WDR44: variants seen among roughly 807,000 people sequenced by gnomAD.
WDR44 encodes WD repeat domain 44.
In WDR44, 9 loss-of-function variants were observed where a neutral mutation model predicts 65.7. That is an observed-to-expected ratio of 0.14 (90% confidence interval 0.08 to 0.24). The LOEUF (loss-of-function observed/expected upper bound fraction) is 0.24. Ranked by LOEUF, WDR44 falls within the 10% of genes least tolerant of loss-of-function variation. The pLI is 1.00. For synonymous variants in WDR44, 220 were observed against 235.2 expected (o/e 0.94, Z 0.59); for missense variants, 425 against 670.9 (o/e 0.63, Z 4.05).
At chrX:118,396,825 C>G (rs2056869657) in intron 6 of WDR44, 145 bp from the exon 7 acceptor site, 1 of 541,182 alleles carries the variant, frequency 1.8e-6, no homozygotes, top group Non-Finnish European at 2.7e-6. Context: ...AATTATATCT[C>G]AATAAAAATG....
chrX:118,442,499 T>G lies in WDR44; in HGVS notation c.2269-66T>G, dbSNP rs1004464665. On this transcript the variant is annotated intron_variant, in intron 16 of 19. Coordinates refer to ENST00000254029, the MANE Select transcript of WDR44 (RefSeq NM_019045.5). ...TAGTTTGTATGTGTGTAACACCCTT[T>G]TTGGGTTGTAGCTTAGCTTGTACTA... 6.6e-6 allele frequency: 7 copies of G among 1,053,921 alleles called. No homozygotes were observed. In the African/African-American group the frequency reaches 1.3e-4, roughly 19 times the overall value. 86.9% of individuals were successfully genotyped at this position (1,053,921 alleles called of 1,213,427 possible). A position where few individuals can be genotyped will look rare whatever the true frequency, so the allele number is the denominator to read the frequency against.
chrX:118,346,688 T>G, intron 1 of WDR44, 108 bp downstream of exon 1: 1 of 611,994 alleles, frequency 1.6e-6, no homozygotes. Flanking sequence ...CCACCGCTGT[T>G]CCTCCCCGTC....
At chrX:118,416,333 T>C (rs1471203950) in intron 12 of WDR44, among the ~76,000 whole-genome samples, 1 of 111,769 alleles carries the variant, frequency 8.9e-6, no homozygotes, top group Non-Finnish European at 1.9e-5. Context: ...GCTATGAACT[T>C]TCCTGTTAGC....
intron 4 of WDR44, 27 bp downstream of exon 4, chrX:118,393,298 G>C (rs780565054): frequency 8.6e-7 from 1 of 1,164,646 alleles, no homozygotes; most frequent in Non-Finnish European, 1.1e-6. Context: ...AAATCACTCT[G>C]TTGGTTGGGC....
At chrX:118,426,771 T>TG (rs1399276637) in intron 12 of WDR44, among the ~76,000 whole-genome samples, 2 of 105,896 alleles carry the variant, frequency 1.9e-5, no homozygotes, top group Non-Finnish European at 3.9e-5. Flanking sequence ...CTTTAATAAT[T>TG]TATCATAAAG....
chrX:118,421,442 A>G (rs760682822), intron 12 of WDR44, among the ~76,000 whole-genome samples: 2 of 112,019 alleles, frequency 1.8e-5, no homozygotes, highest in East Asian at 5.6e-4. Context: ...ATTTGGGGAC[A>G]GTTAAAAGAG....
chrX:118,417,293 T>G (rs945532301), intron 12 of WDR44, among the ~76,000 whole-genome samples: 2 of 112,018 alleles, frequency 1.8e-5, no homozygotes, highest in African/African-American at 6.5e-5. Context: ...TGATTTATGC[T>G]TTAAAGAAGT....
chrX:118,438,881 C>T lies in WDR44; in HGVS notation c.1974+2057C>T, dbSNP rs1329914479. On this transcript the variant is annotated intron_variant, in intron 14 of 19. Coordinates refer to ENST00000254029, the MANE Select transcript of WDR44 (RefSeq NM_019045.5). ...TCGGCTCACTGCAACCTCCACCTCC[C>T]GAGTTCAAGCAGTTCTGCCTCAGCC... 4.9e-5 allele frequency among the ~76,000 whole-genome samples: 5 copies of T among 102,404 alleles called. No individual in the cohort carries two copies. In the East Asian group the frequency reaches 9.7e-4, roughly 20 times the overall value. The allele number at this position is 102,404 out of a possible 115,157, so 88.9% of individuals were successfully genotyped here.
rs1569386772 is a variant in WDR44, at chrX:118,441,517, G to A, written c.2124G>A (p.Val708=). The A allele has an allele frequency of 5.0e-6, 6 of 1,210,328 alleles. No individual in the cohort carries two copies. The highest frequency in any genetic ancestry group is 6.7e-6 in the Non-Finnish European group (6 of 894,527). ...TCTGTCAGAATGGCAAATATGCAGT[G>A]ATTGGGACATATGATGGCAGATGTA... ...ANFCQNGKYA[V]IGTYDGRCIF... The change falls in exon 15 of 20, where the codon GTG becomes GTA. Residue 708 remains valine (V), a synonymous_variant. Coordinates refer to ENST00000254029, the MANE Select transcript of WDR44 (RefSeq NM_019045.5).
chrX:118,408,679 G>A lies in WDR44; in HGVS notation c.1534-810G>A, dbSNP rs183864631. ...CTCCCAAAGTGCTGGGATTACAGGC[G>A]CGTGCCACCACGCCCGGCCCATTCC... On this transcript the variant is annotated intron_variant, in intron 10 of 19. Transcript: ENST00000254029. Among the ~76,000 whole-genome samples the A allele has an allele frequency of 2.9e-3, 304 of 103,306 alleles. 1 individual carries two copies. The highest frequency in any genetic ancestry group is 0.012 in the African/African-American group (280 of 23,936). 89.7% of individuals were successfully genotyped at this position (103,306 alleles called of 115,157 possible).
chrX:118,430,925 C>T lies in WDR44; in HGVS notation c.1738-1856C>T, dbSNP rs528051701. On this transcript the variant is annotated intron_variant, in intron 12 of 19. Transcript: ENST00000254029. ...AGTCTGGTAGTAAAATTGAGGGGGG[C>T]GAGGATGGTAGTCATCTAGCATTAG... 2.7e-3 allele frequency among the ~76,000 whole-genome samples: 298 copies of T among 111,583 alleles called. 2 individuals carry two copies. The highest frequency in any genetic ancestry group is 9.4e-3 in the African/African-American group (288 of 30,739).
intron 1 of WDR44, among the ~76,000 whole-genome samples, chrX:118,350,218 A>G (rs1206615500): frequency 8.9e-6 from 1 of 112,100 alleles, no homozygotes. Context: ...ACATCTAGTT[A>G]AACTCCTTCG....
intron 8 of WDR44, among the ~76,000 whole-genome samples, chrX:118,400,820 T>TC (rs2056906278): frequency 1.1e-5 from 1 of 88,920 alleles, no homozygotes; most frequent in African/African-American, 4.2e-5. Flanking sequence ...CCCTCCCCAC[T>TC]CCCCCCACCC....
intron 1 of WDR44, among the ~76,000 whole-genome samples, chrX:118,377,419 A>G (rs146537911): frequency 0.016 from 1,746 of 111,601 alleles, 36 homozygotes; most frequent in African/African-American, 0.054. Context: ...CAAAATCGAT[A>G]TAAATGTCTA....
intron 14 of WDR44, among the ~76,000 whole-genome samples, chrX:118,440,633 CTG>C (rs1206133862): frequency 9.0e-6 from 1 of 111,211 alleles, no homozygotes; most frequent in Non-Finnish European, 1.9e-5. Flanking sequence ...CAAAAAAAGT[CTG>C]TGGTTAAATA....
At chrX:118,443,223 G>A (rs745595560) in intron 17 of WDR44, among the ~76,000 whole-genome samples, 4 of 111,840 alleles carry the variant, frequency 3.6e-5, no homozygotes, top group African/African-American at 1.3e-4. Context: ...TTCTTTTGCC[G>A]TTTTCTTACC....
At chrX:118,400,675 T>G (rs1216404714) in intron 8 of WDR44, among the ~76,000 whole-genome samples, 1 of 110,475 alleles carries the variant, frequency 9.1e-6, no homozygotes, top group Non-Finnish European at 1.9e-5. Flanking sequence ...GTTTTGTTTT[T>G]TTTTTTATTA....
In WDR44 at chrX:118,385,769, C is replaced by G. The variant is rs560959276; in HGVS notation, c.112-1571C>G. 5.4e-5 allele frequency among the ~76,000 whole-genome samples: 6 copies of G among 111,364 alleles called. No homozygotes were observed. In the East Asian group the frequency reaches 1.4e-3, roughly 26 times the overall value. ...GATAAAATAGCACTTGAGCTATGAC[C>G]CTAATGGCAAGGAATCATCCTATTG... On this transcript the variant is annotated intron_variant, in intron 2 of 19. Coordinates refer to ENST00000254029, the MANE Select transcript of WDR44 (RefSeq NM_019045.5).
chrX:118,368,683 C>A (rs752812466), intron 1 of WDR44, among the ~76,000 whole-genome samples: 187 of 92,925 alleles, frequency 2.0e-3, no homozygotes, highest in African/African-American at 8.3e-3. Flanking sequence ...TGCCACTAAT[C>A]ATATGAAGTA....
Sources: gnomAD v4.1 joint callset for allele counts (sites outside exome capture counted in the v4.1 genomes callset) on GRCh38, gnomAD v4.1.1 for gene constraint, MANE v1.5 for transcripts, NCBI Gene and HGNC (gene_info 2026-07-23, HGNC 2026-07-21) for gene names.